The following CNTNAP5 variants were observed in gnomAD, a reference collection of about 807,000 sequenced individuals.
CNTNAP5 encodes contactin associated protein family member 5.
A neutral mutation model predicts 150.2 loss-of-function variants in CNTNAP5; 72 were observed. The observed-to-expected ratio is 0.48, with a 90% CI of 0.40 to 0.58. The LOEUF (loss-of-function observed/expected upper bound fraction) is 0.58. CNTNAP5 is among the 20% of genes least tolerant of loss of function. The pLI, the probability that CNTNAP5 is intolerant of heterozygous loss-of-function variation, is 0.00. For missense variants in CNTNAP5, 1,636 were observed against 1,626.2 expected, an observed-to-expected ratio of 1.01 and a Z score of -0.10; for synonymous variants, 672 against 619.8, an observed-to-expected ratio of 1.08 and a Z score of -1.25.
chr2:124,909,478 A>G (rs1678609189), intron 22 of CNTNAP5, among the ~76,000 whole-genome samples: 1 of 152,092 alleles, frequency 6.6e-6, no homozygotes, highest in African/African-American at 2.4e-5. Flanking sequence ...ATATATTCTC[A>G]CCATTAAGCT....
At chr2:124,068,100 A>G (rs1037596330) in intron 1 of CNTNAP5, among the ~76,000 whole-genome samples, 1 of 139,332 alleles carries the variant, frequency 7.2e-6, no homozygotes, top group African/African-American at 2.7e-5. Context: ...AACTATCTGC[A>G]TACACAAACG....
Position 124,902,950 on chromosome 2 carries a change from G to A in CNTNAP5, c.3505G>A (p.Val1169Ile), listed in dbSNP as rs375640846. The A allele has an allele frequency of 9.9e-5, 159 of 1,613,026 alleles. No individual in the cohort carries two copies. The highest frequency in any genetic ancestry group is 3.5e-4 in the Admixed American group (21 of 59,972). The change falls in exon 22 of 24, where the codon GTC becomes ATC. Residue 1169 changes from valine to isoleucine, a missense_variant. Transcript: ENST00000682447. ...GGGTTTTGCTGGATGCATGTCTTCCGTCCAGTACAACCACATAGCACCACT... is the reference window on the plus strand; with the variant it reads ...GGGTTTTGCTGGATGCATGTCTTCCATCCAGTACAACCACATAGCACCACT... The part of the protein sequence containing the change: ...AMGFAGCMSS[V>I]QYNHIAPLKA...
chr2:124,148,466 A>T (rs1292382377), intron 1 of CNTNAP5, among the ~76,000 whole-genome samples: 1 of 148,288 alleles, frequency 6.7e-6, no homozygotes, highest in Non-Finnish European at 1.5e-5. Context: ...AACTCTGCCT[A>T]TAACAAAGCA....
At chr2:124,789,868 C>A in intron 17 of CNTNAP5, 34 bp from the exon 18 acceptor site, 2 of 1,606,492 alleles carry the variant, frequency 1.2e-6, no homozygotes, top group Non-Finnish European at 1.7e-6. Context: ...CCCTATAATA[C>A]CTTACATTTG....
chr2:124,469,225 A>G (rs974901005), intron 6 of CNTNAP5, among the ~76,000 whole-genome samples: 5 of 152,176 alleles, frequency 3.3e-5, no homozygotes, highest in African/African-American at 1.2e-4. Context: ...TTTTTAGTAT[A>G]TGGTACCCTC....
intron 1 of CNTNAP5, among the ~76,000 whole-genome samples, chr2:124,185,859 G>A (rs1280205456): frequency 6.6e-6 from 1 of 152,184 alleles, no homozygotes; most frequent in Non-Finnish European, 1.5e-5. Context: ...GCATATCAGA[G>A]TTGAATCCAC....
chr2:124,519,917 G>A (rs1043630442), intron 8 of CNTNAP5, among the ~76,000 whole-genome samples: 1 of 152,148 alleles, frequency 6.6e-6, no homozygotes, highest in African/African-American at 2.4e-5. Context: ...CAGCACCTGA[G>A]AGAAGCCATG....
At chr2:124,075,229 C>T (rs756871309) in intron 1 of CNTNAP5, among the ~76,000 whole-genome samples, 26 of 152,012 alleles carry the variant, frequency 1.7e-4, no homozygotes, top group Admixed American at 1.3e-4. Flanking sequence ...AGCTTGCCTC[C>T]TTTTTGTCAT....
chr2:124,369,708 A>G lies in CNTNAP5; in HGVS notation c.382-47735A>G, dbSNP rs72964699. On this transcript the variant is annotated intron_variant, in intron 3 of 23. Transcript: ENST00000682447. ...AAGAGCTTGCTACGGTGTTCACTAC[A>G]TGAAAATCACTCAAAAAATGGTATG... Among the ~76,000 whole-genome samples the G allele has an allele frequency of 4.5e-3, 688 of 152,302 alleles. 5 individuals are homozygous for G. Among genetic ancestry groups the G allele is most frequent in the African/African-American group, 0.016 (656 of 41,558 alleles).
chr2:124,919,045 C>T lies in CNTNAP5; in HGVS notation c.*4757C>T, dbSNP rs939883422. Among the ~76,000 whole-genome samples, 2 of 152,152 alleles carry T rather than the reference C, an allele frequency of 1.3e-5. No individual in the cohort carries two copies. Among genetic ancestry groups the T allele is most frequent in the Non-Finnish European group, 2.9e-5 (2 of 67,988 alleles). ...CTTGTTTGTGGAACCATCTACTCTG[C>T]AGATTTTTATTGTCTCTAATTATCA... is the stretch of plus-strand genomic sequence containing the variant. On this transcript the variant is annotated 3_prime_UTR_variant, in exon 24 of 24. Transcript: ENST00000682447.
intron 12 of CNTNAP5, among the ~76,000 whole-genome samples, chr2:124,647,494 A>G (rs1471359948): frequency 6.6e-6 from 1 of 152,180 alleles, no homozygotes; most frequent in Non-Finnish European, 1.5e-5. Context: ...AGGCATTGTC[A>G]ATTTTAACTG....
rs1245457579 is a variant in CNTNAP5, at chr2:124,440,307, A to AT, written c.733+5624dup. The stretch of plus-strand genomic sequence containing the variant: ...AGGGAATTCACGTGACTAGCCACCT[A>AT]TTTTATCAAGAGTAAATCAAACCCT... On this transcript the variant is annotated intron_variant, in intron 5 of 23. Transcript: ENST00000682447. 2.0e-5 allele frequency among the ~76,000 whole-genome samples: 3 copies of AT among 152,250 alleles called. No individual in the cohort carries two copies. In the East Asian group the frequency reaches 5.8e-4, roughly 29 times the overall value.
intron 3 of CNTNAP5, among the ~76,000 whole-genome samples, chr2:124,318,934 T>A (rs1040969096): frequency 1.3e-5 from 2 of 152,306 alleles, no homozygotes; most frequent in Middle Eastern, 3.4e-3. Context: ...TCTTCCTACA[T>A]CCTCTCCTCT....
chr2:124,238,644 T>C (rs1310313346), intron 2 of CNTNAP5, among the ~76,000 whole-genome samples: 1 of 152,172 alleles, frequency 6.6e-6, no homozygotes, highest in East Asian at 1.9e-4. Context: ...TTTTTGTAGT[T>C]AATAGCCATT....
chr2:124,042,788 A>ATCTG, intron 1 of CNTNAP5, among the ~76,000 whole-genome samples: 1 of 86,838 alleles, frequency 1.2e-5, no homozygotes, highest in Non-Finnish European at 2.3e-5. Context: ...TCTATCATCT[A>ATCTG]TCTATCTATC....
chr2:124,211,147 C>A (rs1031088866), intron 1 of CNTNAP5, among the ~76,000 whole-genome samples: 1 of 152,144 alleles, frequency 6.6e-6, no homozygotes, highest in Admixed American at 6.5e-5. Context: ...AATTATCCTA[C>A]ATATTCTGAA....
chr2:124,071,691 C>A (rs1185545496), intron 1 of CNTNAP5, among the ~76,000 whole-genome samples: 1 of 151,802 alleles, frequency 6.6e-6, no homozygotes, highest in Admixed American at 6.6e-5. Flanking sequence ...TCTGAACAGA[C>A]CAATAACAAG....
intron 1 of CNTNAP5, among the ~76,000 whole-genome samples, chr2:124,128,202 AC>A (rs952435688): frequency 6.6e-6 from 1 of 152,190 alleles, no homozygotes; most frequent in Non-Finnish European, 1.5e-5. Context: ...AAGAACTTCA[AC>A]AAATTTACAA....
intron 13 of CNTNAP5, among the ~76,000 whole-genome samples, chr2:124,724,401 A>G (rs1431088996): frequency 6.6e-6 from 1 of 152,126 alleles, no homozygotes; most frequent in East Asian, 1.9e-4. Flanking sequence ...ACCTCCACGT[A>G]TTCAGGTGTC....
Sources: allele counts gnomAD v4.1 joint callset (sites outside exome capture counted in the v4.1 genomes callset), GRCh38; gene constraint gnomAD v4.1.1; transcripts MANE v1.5; gene names NCBI Gene and HGNC (gene_info 2026-07-23, HGNC 2026-07-21).